Variants in ZNF362 observed in about 807,000 individuals in gnomAD.
The protein encoded by ZNF362 is zinc finger protein 362, also known as rotund homolog.
In ZNF362, 11 loss-of-function variants were observed where a neutral mutation model predicts 42.9. The observed-to-expected ratio is 0.26, with a 90% CI of 0.16 to 0.42. The LOEUF (loss-of-function observed/expected upper bound fraction) is 0.42, where lower values mean the gene tolerates loss of function less well. ZNF362 is among the 20% of genes least tolerant of loss of function. The pLI is 1.00. For synonymous variants in ZNF362, 255 were observed against 257.3 expected, an observed-to-expected ratio of 0.99 and a Z score of 0.09; for missense variants, 362 against 576.2, an observed-to-expected ratio of 0.63 and a Z score of 3.81.
intron 6 of ZNF362, among the ~76,000 whole-genome samples, chr1:33,282,814 C>A (rs1388104488): frequency 7.4e-6 from 1 of 134,622 alleles, no homozygotes; most frequent in East Asian, 2.3e-4. Context: ...AAGAGTGAAA[C>A]TCTGTCTCAA....
At chr1:33,282,353 G>A (rs1286748393) in intron 6 of ZNF362, among the ~76,000 whole-genome samples, 1 of 152,202 alleles carries the variant, frequency 6.6e-6, no homozygotes, top group Non-Finnish European at 1.5e-5. Flanking sequence ...GGTTTTTACA[G>A]AGCATATGAT....
chr1:33,199,149 A>C, the ZNF362 span, among the ~76,000 whole-genome samples: 1 of 152,184 alleles, frequency 6.6e-6, no homozygotes, highest in Non-Finnish European at 1.5e-5. Context: ...TTTGATGAAA[A>C]CTATAAACTC....
At chr1:33,251,923 C>A (rs1645763709), upstream of ZNF362, among the ~76,000 whole-genome samples, 1 of 152,240 alleles carries the variant, frequency 6.6e-6, no homozygotes, top group Non-Finnish European at 1.5e-5. Flanking sequence ...TATTCTCTTT[C>A]CAGAGGAGCA....
At chr1:33,256,165 C>T (rs1432805519), upstream of ZNF362, among the ~76,000 whole-genome samples, 2 of 148,236 alleles carry the variant, frequency 1.3e-5, no homozygotes, top group African/African-American at 2.5e-5. Context: ...GCAACTTTGC[C>T]AGGCGGTGGC....
rs192680950 is a variant in ZNF362, at chr1:33,292,286, G to C, written c.909-2651G>C. On this transcript the variant is annotated intron_variant, in intron 6 of 8. Coordinates refer to ENST00000539719, the MANE Select transcript of ZNF362 (RefSeq NM_152493.3). Reference sequence around the variant, plus strand: ...AGAGATTTTAGCAACAAGGGCTGTTGAATTTTGTCAAAGGCCTTTTCTGCA... The same window carrying C: ...AGAGATTTTAGCAACAAGGGCTGTTCAATTTTGTCAAAGGCCTTTTCTGCA... Among the ~76,000 whole-genome samples, 6 of 152,318 alleles carry C rather than the reference G, an allele frequency of 3.9e-5. No homozygotes were observed. The East Asian group carries it at 1.2e-3, about 29-fold the overall frequency.
the ZNF362 span, among the ~76,000 whole-genome samples, chr1:33,199,079 C>T: frequency 2.0e-5 from 3 of 151,856 alleles, no homozygotes; most frequent in African/African-American, 7.3e-5. Flanking sequence ...ATTTGGAGTC[C>T]CTTAAGGAGA....
chr1:33,130,459 G>A, the ZNF362 span, among the ~76,000 whole-genome samples: 2 of 152,204 alleles, frequency 1.3e-5, no homozygotes, highest in Non-Finnish European at 2.9e-5. Flanking sequence ...GAACTGCCCT[G>A]TGGGTAGGTC....
chr1:33,134,931 C>T, the ZNF362 span, among the ~76,000 whole-genome samples: 13 of 152,340 alleles, frequency 8.5e-5, no homozygotes, highest in African/African-American at 3.1e-4. Context: ...CGCTGGGTTC[C>T]CTCCCTGCCT....
At chr1:33,256,750 C>T (rs1645794260) in intron 1 of ZNF362, 96 bp downstream of exon 1, 1 of 145,308 alleles carries the variant, frequency 6.9e-6, no homozygotes, top group Admixed American at 6.8e-5. Context: ...GGGGCCGGGC[C>T]GGGGCGCGGG....
chr1:33,182,890 G>T, the ZNF362 span, among the ~76,000 whole-genome samples: 1 of 152,112 alleles, frequency 6.6e-6, no homozygotes, highest in Non-Finnish European at 1.5e-5. Flanking sequence ...AAGGCATGGG[G>T]CTTTCAGGCA....
the ZNF362 span, among the ~76,000 whole-genome samples, chr1:33,211,097 C>T: frequency 6.6e-6 from 1 of 151,976 alleles, no homozygotes; most frequent in African/African-American, 2.4e-5. Flanking sequence ...CCACGCCTGG[C>T]TAATTTTTTG....
the ZNF362 span, among the ~76,000 whole-genome samples, chr1:33,241,567 TAAAC>T: frequency 3.3e-5 from 5 of 149,610 alleles, no homozygotes; most frequent in South Asian, 2.1e-4. Context: ...AATAAGTAAA[TAAAC>T]AAATAAATAA....
chr1:33,219,750 G>A, the ZNF362 span, among the ~76,000 whole-genome samples: 2 of 152,096 alleles, frequency 1.3e-5, no homozygotes, highest in Admixed American at 1.3e-4. Flanking sequence ...TTTCAGCAGT[G>A]GCAAATCACA....
At chr1:33,252,973 G>A (rs1645769074), upstream of ZNF362, among the ~76,000 whole-genome samples, 1 of 151,996 alleles carries the variant, frequency 6.6e-6, no homozygotes, top group Admixed American at 6.6e-5. Context: ...ATCGTGATGA[G>A]TGTGTTGCCA....
At chr1:33,203,918 A>T in the ZNF362 span, among the ~76,000 whole-genome samples, 1 of 152,036 alleles carries the variant, frequency 6.6e-6, no homozygotes, top group African/African-American at 2.4e-5. Flanking sequence ...CCCATTTTGT[A>T]TGCTGCCTTT....
chr1:33,226,531 T>C, the ZNF362 span, among the ~76,000 whole-genome samples: 1 of 152,168 alleles, frequency 6.6e-6, no homozygotes. Context: ...AGTAACGAGG[T>C]GCTGATTCCT....
At position 33,270,519 on chromosome 1, in the gene ZNF362, T is replaced by A. The variant is rs556276741; in HGVS notation, c.-56T>A. The A allele has an allele frequency of 9.4e-7, 1 of 1,060,580 alleles. No homozygotes were observed. Among genetic ancestry groups the A allele is most frequent in the East Asian group, 2.4e-5 (1 of 42,206 alleles). The allele number at this position is 1,060,580 out of a possible 1,614,324, so 65.7% of individuals were successfully genotyped here. A position where few individuals can be genotyped will look rare whatever the true frequency, so the allele number is the denominator to read the frequency against. On this transcript the variant is annotated 5_prime_UTR_variant, in exon 2 of 9. Coordinates refer to ENST00000539719, the MANE Select transcript of ZNF362 (RefSeq NM_152493.3). ...TGGGAACACAGAGGAAGTGACTGGC[T>A]GGGGGTTCAGGGAAAGCTCCGTAGA...
the ZNF362 span, among the ~76,000 whole-genome samples, chr1:33,213,969 G>T: frequency 6.6e-6 from 1 of 152,152 alleles, no homozygotes; most frequent in African/African-American, 2.4e-5. Context: ...GGATTTTACT[G>T]AGTTCTAGAT....
chr1:33,170,718 C>T, the ZNF362 span, among the ~76,000 whole-genome samples: 186 of 152,268 alleles, frequency 1.2e-3, 2 homozygotes, highest in African/African-American at 4.2e-3. Flanking sequence ...CTGTGTCACC[C>T]CTCCCGCTCC....
Sources: gnomAD v4.1 joint callset for allele counts (sites outside exome capture counted in the v4.1 genomes callset) on GRCh38, gnomAD v4.1.1 for gene constraint, MANE v1.5 for transcripts, NCBI Gene and HGNC (gene_info 2026-07-23, HGNC 2026-07-21) for gene names.